Variants in LSAMP observed in about 807,000 individuals in gnomAD.
LSAMP encodes the protein limbic system associated membrane protein, also known as limbic system-associated membrane protein.
In LSAMP, 7 loss-of-function variants were observed where a neutral mutation model predicts 38.6. That is an observed-to-expected ratio of 0.18 (90% CI 0.10 to 0.34). The LOEUF is 0.34. Ranked by LOEUF, LSAMP falls within the 10% of genes least tolerant of loss-of-function variation. The pLI is 1.00. For missense variants in LSAMP, 313 were observed against 420.0 expected, an observed-to-expected ratio of 0.75 and a Z score of 2.23; for synonymous variants, 154 against 166.8, an observed-to-expected ratio of 0.92 and a Z score of 0.59.
chr3:116,114,828 T>A (rs2107477129), intron 1 of LSAMP, among the ~76,000 whole-genome samples: 1 of 152,364 alleles, frequency 6.6e-6, no homozygotes, highest in South Asian at 2.1e-4. Flanking sequence ...GAATTTCACA[T>A]TCCTTATCTA....
intron 1 of LSAMP, among the ~76,000 whole-genome samples, chr3:116,405,560 A>G (rs1178388029): frequency 6.6e-6 from 1 of 152,078 alleles, no homozygotes; most frequent in East Asian, 1.9e-4. Flanking sequence ...TTGACTTTAA[A>G]TGAACAACAA....
At chr3:116,374,637 G>A (rs1055840185) in intron 1 of LSAMP, among the ~76,000 whole-genome samples, 4 of 151,728 alleles carry the variant, frequency 2.6e-5, no homozygotes, top group African/African-American at 4.8e-5. Flanking sequence ...TTTCAATTAC[G>A]AAACAAAAAA....
chr3:116,068,870 G>GTA (rs1436023869), intron 2 of LSAMP, among the ~76,000 whole-genome samples: 7 of 152,168 alleles, frequency 4.6e-5, no homozygotes, highest in Non-Finnish European at 7.4e-5. Context: ...GAGGAAATAA[G>GTA]GTGTGTAATG....
intron 1 of LSAMP, among the ~76,000 whole-genome samples, chr3:116,247,325 A>G (rs2046617585): frequency 1.3e-5 from 2 of 152,208 alleles, no homozygotes. Context: ...CTTTCTATAT[A>G]CATTCAGACT....
At chr3:116,299,917 C>T (rs1299294280) in intron 1 of LSAMP, among the ~76,000 whole-genome samples, 5 of 152,184 alleles carry the variant, frequency 3.3e-5, no homozygotes, top group Non-Finnish European at 5.9e-5. Context: ...TTGAGCCTGA[C>T]AGCTCAGGAA....
At chr3:115,939,585 T>TTTCTTTCTTTCTC (rs58450242) in intron 3 of LSAMP, among the ~76,000 whole-genome samples, 3 of 150,208 alleles carry the variant, frequency 2.0e-5, no homozygotes, top group Non-Finnish European at 1.5e-5. Context: ...TCTTTCTTTC[T>TTTCTTTCTTTCTC]GTTAAGAGAC....
chr3:116,267,229 A>G (rs1245662755), intron 1 of LSAMP, among the ~76,000 whole-genome samples: 1 of 152,206 alleles, frequency 6.6e-6, no homozygotes, highest in Non-Finnish European at 1.5e-5. Context: ...ATAAAAATGA[A>G]CAATGGAATG....
rs1423327748 is a variant in LSAMP at position 116,217,726 on chromosome 3, A to C, written c.156-131170T>G. Among the ~76,000 whole-genome samples, 3 of 152,240 alleles carry C rather than the reference A, an allele frequency of 2.0e-5. No homozygotes were observed. In the East Asian group the frequency reaches 5.8e-4, roughly 29 times the overall value. Reference sequence around the variant, plus strand: ...TTCAACTATGAATGAGAAACTGAGAATTTGAAAAATTAAGTAATTTGCCCA... The same window carrying C: ...TTCAACTATGAATGAGAAACTGAGACTTTGAAAAATTAAGTAATTTGCCCA... On this transcript the variant is annotated intron_variant, in intron 1 of 6. Transcript: ENST00000490035.
chr3:115,878,221 T>A (rs909265540), intron 3 of LSAMP, among the ~76,000 whole-genome samples: 1 of 151,938 alleles, frequency 6.6e-6, no homozygotes, highest in African/African-American at 2.4e-5. Flanking sequence ...AGTAATCTCT[T>A]AGCATGAGGC....
chr3:116,190,374 T>G (rs1576421480), intron 1 of LSAMP, among the ~76,000 whole-genome samples: 1 of 152,072 alleles, frequency 6.6e-6, no homozygotes, highest in South Asian at 2.1e-4. Context: ...CTGAGAAAAG[T>G]GATAGAGTGC....
At chr3:116,260,511 C>T (rs2046810978) in intron 1 of LSAMP, among the ~76,000 whole-genome samples, 1 of 151,878 alleles carries the variant, frequency 6.6e-6, no homozygotes, top group Admixed American at 6.6e-5. Context: ...ACAAAATACA[C>T]AGGGTTTCTA....
intron 1 of LSAMP, among the ~76,000 whole-genome samples, chr3:116,161,769 C>T (rs976852043): frequency 6.6e-6 from 1 of 152,082 alleles, no homozygotes; most frequent in Non-Finnish European, 1.5e-5. Context: ...AAAGATGACA[C>T]AGCAGTTCTT....
chr3:116,406,729 C>A (rs1437550256), intron 1 of LSAMP, among the ~76,000 whole-genome samples: 1 of 151,876 alleles, frequency 6.6e-6, no homozygotes, highest in Non-Finnish European at 1.5e-5. Flanking sequence ...GCACACAGCA[C>A]CCCCATAATA....
chr3:115,904,311 C>G (rs1936955179), intron 3 of LSAMP, among the ~76,000 whole-genome samples: 1 of 151,656 alleles, frequency 6.6e-6, no homozygotes, highest in Admixed American at 6.6e-5. Context: ...ATTTCTAAAA[C>G]AATGTAACTT....
chr3:115,945,993 C>T (rs1938085402), intron 3 of LSAMP, among the ~76,000 whole-genome samples: 1 of 152,116 alleles, frequency 6.6e-6, no homozygotes, highest in East Asian at 1.9e-4. Context: ...TTAAATAGAG[C>T]ATCCCTTGAA....
Position 116,213,265 on chromosome 3 carries a change from G to A in LSAMP, c.156-126709C>T, listed in dbSNP as rs562787445. ...CCATATGTTGTAGGAGGAACATAGT[G>A]GGAGGTAACTGAATCATGGGAGCAG... On this transcript the variant is annotated intron_variant, in intron 1 of 6. Coordinates refer to ENST00000490035, the MANE Select transcript of LSAMP (RefSeq NM_002338.5). Among the ~76,000 whole-genome samples the A allele has an allele frequency of 8.5e-5, 13 of 152,308 alleles. No homozygotes were observed. The East Asian group carries it at 2.5e-3, about 29-fold the overall frequency.
intron 3 of LSAMP, among the ~76,000 whole-genome samples, chr3:115,886,864 G>T (rs913277747): frequency 6.6e-6 from 1 of 151,970 alleles, no homozygotes; most frequent in African/African-American, 2.4e-5. Flanking sequence ...GAGATACCAA[G>T]TCTACTTCTT....
At position 116,086,340 on chromosome 3, in the gene LSAMP, A is replaced by G. The variant is rs1707988700; in HGVS notation, c.372T>C (p.Val124=). ...TTTCCTTACCTTGTACGATCAAGTA[A>G]ACTTGGGAGGTCTTGGGCTCATGCT... ...QTQHEPKTSQ[V]YLIVQVPPKI... is the part of the protein sequence containing the mutation. The change falls in exon 2 of 7, where the codon GTT becomes GTC. Residue 124 remains valine (V), a synonymous_variant. Coordinates refer to ENST00000490035, the MANE Select transcript of LSAMP (RefSeq NM_002338.5). The G allele has an allele frequency of 6.2e-7, 1 of 1,613,982 alleles. No individual in the cohort carries two copies. The highest frequency in any genetic ancestry group is 8.5e-7 in the Non-Finnish European group (1 of 1,179,984).
At chr3:116,256,534 A>C (rs1489813620) in intron 1 of LSAMP, among the ~76,000 whole-genome samples, 2 of 152,228 alleles carry the variant, frequency 1.3e-5, no homozygotes, top group Non-Finnish European at 2.9e-5. Flanking sequence ...TCCATTGATG[A>C]TATAATTAAT....
Sources: gnomAD v4.1 joint callset for allele counts (sites outside exome capture counted in the v4.1 genomes callset) on GRCh38, gnomAD v4.1.1 for gene constraint, MANE v1.5 for transcripts, NCBI Gene and HGNC (gene_info 2026-07-23, HGNC 2026-07-21) for gene names.